The following SLC11A1 variants were observed in gnomAD, a reference collection of about 807,000 sequenced individuals.
The protein encoded by SLC11A1 is solute carrier family 11 member 1.
SLC11A1 carries 59 observed loss-of-function variants against 63.2 expected under a neutral mutation model. The ratio of observed to expected loss-of-function variants is 0.93; its 90% CI spans 0.76 to 1.16. The LOEUF (loss-of-function observed/expected upper bound fraction) is 1.16. Among genes scored for constraint, SLC11A1 ranks in the 50% most tolerant of loss-of-function variants. The pLI is 0.00. For synonymous variants in SLC11A1, 305 were observed against 307.8 expected (o/e 0.99, Z 0.09); for missense variants, 688 against 730.7 (o/e 0.94, Z 0.67).
intron 11 of SLC11A1, 179 bp downstream of exon 11, chr2:218,391,674 G>T: frequency 1.3e-6 from 1 of 793,442 alleles, no homozygotes; most frequent in Non-Finnish European, 1.9e-6. Context: ...GCCCAGGCTG[G>T]AGTGCAGTGG....
intron 6 of SLC11A1, 43 bp from the exon 7 acceptor site, chr2:218,387,522 T>C (rs1362911155): frequency 1.2e-6 from 2 of 1,605,496 alleles, no homozygotes; most frequent in South Asian, 1.1e-5. Flanking sequence ...ATGTCACAGA[T>C]TTTTTTCGTT....
chr2:218,390,045 C>G lies in SLC11A1; in HGVS notation c.954+17C>G, dbSNP rs1439555503. On this transcript the variant is annotated intron_variant, in intron 9 of 14. Transcript: ENST00000233202. Reference sequence around the variant, plus strand: ...CAGGCTGCGGTGAGACACACTTTCCCCCGCACCTGAGGCCACACACGTACT... The same window carrying G: ...CAGGCTGCGGTGAGACACACTTTCCGCCGCACCTGAGGCCACACACGTACT... 6.2e-7 allele frequency: 1 copy of G among 1,602,118 alleles called. No individual in the cohort carries two copies. Among genetic ancestry groups the G allele is most frequent in the Admixed American group, 1.7e-5 (1 of 59,076 alleles).
chr2:218,393,327 C>G (rs1449655349), intron 12 of SLC11A1, among the ~76,000 whole-genome samples, 197 bp downstream of exon 12: 1 of 150,724 alleles, frequency 6.6e-6, no homozygotes, highest in Non-Finnish European at 1.5e-5. Context: ...CCTCCCACCC[C>G]CCAGATGGTC....
chr2:218,384,454 A>C lies in SLC11A1; in HGVS notation c.273+89A>C. On this transcript the variant is annotated intron_variant, in intron 3 of 14. Coordinates refer to ENST00000233202, the MANE Select transcript of SLC11A1 (RefSeq NM_000578.4). This position sits in a 1 kb window ranked among gnomAD's most constrained non-coding sequence, Gnocchi z 4.0. ...AGGCCCCTGCTGGCCATGTTTCTCC[A>C]ATGTGGCCTGGGAGCTGGTGTTAAG... 9 of 1,477,234 alleles carry C rather than the reference A, an allele frequency of 6.1e-6. No individual in the cohort carries two copies. Among genetic ancestry groups the C allele is most frequent in the African/African-American group, 1.4e-5 (1 of 72,086 alleles). 91.5% of individuals were successfully genotyped at this position (1,477,234 alleles called of 1,614,324 possible).
chr2:218,385,555 T>C, intron 4 of SLC11A1: 2 of 442,296 alleles, frequency 4.5e-6, no homozygotes, highest in South Asian at 1.7e-5. Context: ...CATCATCGGC[T>C]AATTTTTGTA....
In SLC11A1 at chr2:218,384,972, C is replaced by A; in HGVS notation, c.274-175C>A. 2 of 733,122 alleles carry A rather than the reference C, an allele frequency of 2.7e-6. No individual in the cohort carries two copies. The highest frequency in any genetic ancestry group is 4.4e-6 in the Non-Finnish European group (2 of 455,236). The allele number at this position is 733,122 out of a possible 1,614,324, so 45.4% of individuals were successfully genotyped here. A position where few individuals can be genotyped will look rare whatever the true frequency, so the allele number is the denominator to read the frequency against. ...TCCTGGACTCAAGCAATCCTCCCAC[C>A]TTAGCCTTTTAAAGTGCTGGGATTA... On this transcript the variant is annotated intron_variant, in intron 3 of 14. Coordinates refer to ENST00000233202, the MANE Select transcript of SLC11A1 (RefSeq NM_000578.4). The surrounding 1 kb of genome is among the most constrained non-coding windows in gnomAD (Gnocchi z 4.0).
At chr2:218,391,735 G>T in intron 11 of SLC11A1, 1 of 448,336 alleles carries the variant, frequency 2.2e-6, no homozygotes. Context: ...AGCTTCTCCT[G>T]CTTCAGCCTC....
Position 218,395,111 on chromosome 2 carries a change from G to A in SLC11A1, c.*76G>A, listed in dbSNP as rs1488980627. 7.7e-6 allele frequency: 9 copies of A among 1,165,266 alleles called. No individual in the cohort carries two copies. Among genetic ancestry groups the A allele is most frequent in the Admixed American group, 6.0e-5 (3 of 50,056 alleles). 72.2% of individuals were successfully genotyped at this position (1,165,266 alleles called of 1,614,324 possible). A position where few individuals can be genotyped will look rare whatever the true frequency, so the allele number is the denominator to read the frequency against. On this transcript the variant is annotated 3_prime_UTR_variant, in exon 15 of 15. Transcript: ENST00000233202. ...CTGGATGTGGAGGGGGCGCGTGCAG[G>A]CAGCAGGATAGAGTGGGACAGTTCC...
At chr2:218,390,420 T>C (rs937055742) in intron 9 of SLC11A1, among the ~76,000 whole-genome samples, 3 of 152,238 alleles carry the variant, frequency 2.0e-5, no homozygotes, top group African/African-American at 7.2e-5. Context: ...GAGATGACAT[T>C]TGTGCTAATA....
intron 8 of SLC11A1, chr2:218,388,415 G>A (rs904686624): frequency 6.1e-6 from 1 of 162,890 alleles, no homozygotes; most frequent in Non-Finnish European, 1.3e-5. Flanking sequence ...TGTGCGCTGG[G>A]AGGAACAGAC....
At chr2:218,392,719 TTGCTGGAAGC>T in intron 11 of SLC11A1, 1 of 410,714 alleles carries the variant, frequency 2.4e-6, no homozygotes, top group African/African-American at 2.1e-5. Context: ...ATGAGGTGAC[TTGCTGGAAGC>T]TGCAGACCCA....
intron 6 of SLC11A1, 139 bp downstream of exon 6, chr2:218,387,369 A>G (rs1289171070): frequency 1.0e-6 from 1 of 989,988 alleles, no homozygotes; most frequent in Non-Finnish European, 1.5e-6. Flanking sequence ...AGTTACTTGG[A>G]CGTGCCTCTC....
rs368974918 is a variant in SLC11A1 at position 218,395,026 on chromosome 2, C to T, written c.1644C>T (p.Thr548=). Residue 548 remains threonine (T), a synonymous_variant, in exon 15 of 15, where the codon ACC becomes ACT. Transcript: ENST00000233202. ...TTGAAGAGGACCAGAAAGGGGAGAC[C>T]TCTGGCTAGGCCCACACCAGGGCCT... is the stretch of plus-strand genomic sequence containing the variant. ...GLLEEDQKGE[T]SG is the part of the protein sequence containing the mutation. 18 of 1,602,674 alleles carry T rather than the reference C, an allele frequency of 1.1e-5. No individual in the cohort carries two copies. The highest frequency in any genetic ancestry group is 2.2e-5 in the East Asian group (1 of 44,502).
At chr2:218,383,385 G>A (rs1281620108) in intron 2 of SLC11A1, 1 of 422,866 alleles carries the variant, frequency 2.4e-6, no homozygotes, top group African/African-American at 2.0e-5. Flanking sequence ...GGAGCCTTGA[G>A]GACATGTTAT....
rs573134606 is a variant in SLC11A1, at chr2:218,389,740, G to T, written c.796-130G>T. 1.0e-5 allele frequency: 9 copies of T among 883,848 alleles called. No individual in the cohort carries two copies. In the African/African-American group the frequency reaches 1.2e-4, roughly 12 times the overall value. The allele number at this position is 883,848 out of a possible 1,614,324, so 54.8% of individuals were successfully genotyped here. On this transcript the variant is annotated intron_variant, in intron 8 of 14. Transcript: ENST00000233202. ...GGAAACCATCGGCTGACCTGAACCT[G>T]CCCCAGACTGCCACGCAGGGGACTT...
chr2:218,387,891 C>A lies in SLC11A1; in HGVS notation c.731C>A (p.Ala244Glu). ...TGCGGCCACCCCGAGCTGCTGCAGG[C>A]GGTGGGCATTGTTGGCGCCATCATC... ...PGCGHPELLQAVGIVGAIIMP... is the reference protein window; with the variant it reads ...PGCGHPELLQEVGIVGAIIMP... Residue 244 changes from alanine (A) to glutamate (E), a missense_variant, in exon 8 of 15, where the codon GCG becomes GAG. Ala to Glu is a moderately radical substitution (Grantham distance 107). Transcript: ENST00000233202. 1 of 1,605,444 alleles carries A rather than the reference C, an allele frequency of 6.2e-7. No individual in the cohort carries two copies. The highest frequency in any genetic ancestry group is 8.5e-7 in the Non-Finnish European group (1 of 1,176,470).
intron 9 of SLC11A1, among the ~76,000 whole-genome samples, chr2:218,390,292 G>A (rs1395038335): frequency 1.3e-5 from 2 of 151,406 alleles, no homozygotes; most frequent in Admixed American, 6.6e-5. Flanking sequence ...GAGCAGACAG[G>A]AATGAATACC....
Position 218,387,788 on chromosome 2 carries a change from T to A in SLC11A1, c.640-12T>A. 1.9e-6 allele frequency: 3 copies of A among 1,610,510 alleles called. No individual in the cohort carries two copies. The South Asian group carries it at 3.3e-5, about 18-fold the overall frequency. ...GGGGCGGGGCTTGTCCTGACCAGGCTCCTCCCTGCAGTATGTGGTGGCGCG... is the reference window on the plus strand; with the variant it reads ...GGGGCGGGGCTTGTCCTGACCAGGCACCTCCCTGCAGTATGTGGTGGCGCG... On this transcript the variant is annotated splice_polypyrimidine_tract_variant and intron_variant, in intron 7 of 14. Transcript: ENST00000233202.
Position 218,387,695 on chromosome 2 carries a change from T to C in SLC11A1, c.639+63T>C, listed in dbSNP as rs1035812795. ...CAAGATCATTCCTCTCCCTTCCCTC[T>C]GGCCGCGGGCTGCGGGGGGCTGGGG... On this transcript the variant is annotated intron_variant, in intron 7 of 14. Coordinates refer to ENST00000233202, the MANE Select transcript of SLC11A1 (RefSeq NM_000578.4). The C allele has an allele frequency of 6.8e-6, 11 of 1,611,000 alleles. No individual in the cohort carries two copies. In the African/African-American group the frequency reaches 1.3e-4, roughly 20 times the overall value.
Sources: allele counts gnomAD v4.1 joint callset (sites outside exome capture counted in the v4.1 genomes callset), GRCh38; gene constraint gnomAD v4.1.1; non-coding constraint Gnocchi (gnomAD v3.1); transcripts MANE v1.5; gene names NCBI Gene and HGNC (gene_info 2026-07-23, HGNC 2026-07-21).